Variants in CTTNBP2 observed in about 807,000 individuals in gnomAD.
CTTNBP2 encodes cortactin binding protein 2.
Under a neutral mutation model 156.9 loss-of-function variants are expected in CTTNBP2, and 108 were observed. The observed-to-expected ratio is 0.69, with a 90% CI of 0.59 to 0.81. The LOEUF is 0.81. CTTNBP2 is among the 30% of genes least tolerant of loss of function. The probability of loss-of-function intolerance (pLI) is 0.00; values close to 1 mark genes in which losing one functional copy is unlikely to be tolerated. For synonymous variants in CTTNBP2, 767 were observed against 751.8 expected, an observed-to-expected ratio of 1.02 and a Z score of -0.33; for missense variants, 1,924 against 2,035.4, an observed-to-expected ratio of 0.95 and a Z score of 1.05.
intron 4 of CTTNBP2, among the ~76,000 whole-genome samples, chr7:117,789,742 T>A (rs562741900): frequency 1.4e-5 from 2 of 146,278 alleles, no homozygotes. Flanking sequence ...CTAAGCTCAA[T>A]ACCAAGCTGA....
At chr7:117,813,849 A>G (rs923052325) in intron 2 of CTTNBP2, among the ~76,000 whole-genome samples, 2 of 152,190 alleles carry the variant, frequency 1.3e-5, no homozygotes, top group African/African-American at 4.8e-5. Context: ...TCTTTCTTTA[A>G]TCTCCAAAAA....
chr7:117,819,447 AAT>A (rs1430628020), intron 2 of CTTNBP2, among the ~76,000 whole-genome samples: 1 of 151,692 alleles, frequency 6.6e-6, no homozygotes, highest in African/African-American at 2.4e-5. Flanking sequence ...GTGGAATAGC[AAT>A]ATAAAAGTTA....
At chr7:117,740,435 CAGA>C (rs1288201044) in intron 14 of CTTNBP2, among the ~76,000 whole-genome samples, 1 of 152,130 alleles carries the variant, frequency 6.6e-6, no homozygotes, top group Non-Finnish European at 1.5e-5. Context: ...CAGTGGAAGA[CAGA>C]AGTTCAGCAT....
chr7:117,740,230 ATTC>A (rs1460257403), intron 14 of CTTNBP2, among the ~76,000 whole-genome samples: 1 of 136,354 alleles, frequency 7.3e-6, no homozygotes, highest in Non-Finnish European at 1.6e-5. Context: ...TTTGTTCTCT[ATTC>A]TTTTCTTCAT....
chr7:117,806,789 C>T lies in CTTNBP2; in HGVS notation c.414+3976G>A, dbSNP rs187153677. On this transcript the variant is annotated intron_variant, in intron 3 of 22. Transcript: ENST00000160373. Reference sequence around the variant, plus strand: ...TTTTTTTTATTTTGAGACAGAGTCTCGCTCTGTTGCCCAGGCTGGAGTGCA... The same window carrying T: ...TTTTTTTTATTTTGAGACAGAGTCTTGCTCTGTTGCCCAGGCTGGAGTGCA... Among the ~76,000 whole-genome samples the T allele has an allele frequency of 9.9e-3, 1,442 of 145,022 alleles. 18 individuals are homozygous for T. The highest frequency in any genetic ancestry group is 0.02 in the Admixed American group (292 of 14,346).
intron 3 of CTTNBP2, among the ~76,000 whole-genome samples, chr7:117,800,512 T>C (rs1414842641): frequency 6.6e-6 from 1 of 152,162 alleles, no homozygotes; most frequent in Non-Finnish European, 1.5e-5. Flanking sequence ...TGTAAACTTT[T>C]CCTTAAGAAT....
intron 21 of CTTNBP2, 146 bp from the exon 22 acceptor site, chr7:117,718,265 G>A (rs868777114): frequency 6.6e-6 from 3 of 455,374 alleles, no homozygotes; most frequent in Non-Finnish European, 1.2e-5. Context: ...TCACATGAAA[G>A]AAAGACTTCA....
At chr7:117,854,641 G>A (rs1803143188) in intron 2 of CTTNBP2, among the ~76,000 whole-genome samples, 1 of 152,142 alleles carries the variant, frequency 6.6e-6, no homozygotes, top group Non-Finnish European at 1.5e-5. Context: ...GGGCCCTGAA[G>A]TTGTTAAAAT....
Position 117,735,316 on chromosome 7 carries a change from G to A in CTTNBP2, c.3641C>T (p.Ala1214Val), listed in dbSNP as rs1795627736. ...TTCAGTGCTGCGATTTTCAAGAGGTGCCAAAAAGTCCCTCAATAACTCCGA... is the reference window on the plus strand; with the variant it reads ...TTCAGTGCTGCGATTTTCAAGAGGTACCAAAAAGTCCCTCAATAACTCCGA... ...SLSELLRDFL[A>V]PLENRSTESP... The change falls in exon 15 of 23, where the codon GCA becomes GTA. Residue 1214 changes from alanine (A) to valine (V), a missense_variant. By Grantham distance (64) the Ala-to-Val change is moderately conservative. Coordinates refer to ENST00000160373, the MANE Select transcript of CTTNBP2 (RefSeq NM_033427.3). 1 of 1,613,978 alleles carries A rather than the reference G, an allele frequency of 6.2e-7. No individual in the cohort carries two copies. Among genetic ancestry groups the A allele is most frequent in the Non-Finnish European group, 8.5e-7 (1 of 1,179,954 alleles).
intron 17 of CTTNBP2, among the ~76,000 whole-genome samples, chr7:117,727,822 C>T (rs1687113516): frequency 6.6e-6 from 1 of 152,176 alleles, no homozygotes; most frequent in Non-Finnish European, 1.5e-5. Flanking sequence ...GTACCTCACT[C>T]AGGAGACTCT....
chr7:117,778,308 G>A (rs1052941999), intron 7 of CTTNBP2, among the ~76,000 whole-genome samples: 1 of 152,186 alleles, frequency 6.6e-6, no homozygotes, highest in Non-Finnish European at 1.5e-5. Flanking sequence ...AATAATTTCA[G>A]TGAAGGTTTA....
intron 3 of CTTNBP2, among the ~76,000 whole-genome samples, chr7:117,798,003 A>G (rs904928364): frequency 6.6e-6 from 1 of 152,170 alleles, no homozygotes; most frequent in African/African-American, 2.4e-5. Flanking sequence ...TAGGCACATC[A>G]TAGTAAAACT....
In CTTNBP2 at chr7:117,791,957, T is replaced by C. The variant is rs1352992757; in HGVS notation, c.1239A>G (p.Pro413=). The change falls in exon 4 of 23, where the codon CCA becomes CCG. Residue 413 remains proline, a synonymous_variant. Transcript: ENST00000160373. ...SNAAPPTAQT[P]GIAPQNSQAP... ...CTTGCGAGTTCTGAGGAGCTATGCC[T>C]GGTGTTTGAGCGGTGGGAGGGGCAG... 5 of 1,614,072 alleles carry C rather than the reference T, an allele frequency of 3.1e-6. No homozygotes were observed. The highest frequency in any genetic ancestry group is 1.3e-5 in the African/African-American group (1 of 75,020).
intron 17 of CTTNBP2, among the ~76,000 whole-genome samples, chr7:117,727,218 G>T (rs967014070): frequency 6.6e-6 from 1 of 152,072 alleles, no homozygotes; most frequent in Non-Finnish European, 1.5e-5. Context: ...TAGAGACAGG[G>T]TCTTGCTCTA....
At chr7:117,854,052 C>T (rs1803099439) in intron 2 of CTTNBP2, among the ~76,000 whole-genome samples, 1 of 152,150 alleles carries the variant, frequency 6.6e-6, no homozygotes, top group Non-Finnish European at 1.5e-5. Context: ...AAATACAATG[C>T]TACTTAAAAA....
intron 12 of CTTNBP2, among the ~76,000 whole-genome samples, chr7:117,752,818 T>C (rs555431861): frequency 1.3e-5 from 2 of 152,352 alleles, no homozygotes; most frequent in East Asian, 1.9e-4. Context: ...TTTGAGTCTT[T>C]GTTTATTTAC....
At chr7:117,873,288 G>A (rs1177989156) in intron 1 of CTTNBP2, 47 bp downstream of exon 1, 11 of 1,310,656 alleles carry the variant, frequency 8.4e-6, no homozygotes, top group Non-Finnish European at 8.7e-6. Flanking sequence ...CGCCGCCCCC[G>A]GCCCGCGTCT....
chr7:117,808,090 T>G (rs541353870), intron 3 of CTTNBP2, among the ~76,000 whole-genome samples: 2 of 152,186 alleles, frequency 1.3e-5, no homozygotes, highest in Non-Finnish European at 2.9e-5. Flanking sequence ...AAAAGAATTG[T>G]TCCCCCTCTG....
chr7:117,753,905 G>A (rs548711816), intron 12 of CTTNBP2, among the ~76,000 whole-genome samples: 3 of 152,232 alleles, frequency 2.0e-5, no homozygotes, highest in East Asian at 1.9e-4. Context: ...ACCCCAGAAC[G>A]TAAAATAAAA....
Sources: gnomAD v4.1 joint callset for allele counts (sites outside exome capture counted in the v4.1 genomes callset) on GRCh38, gnomAD v4.1.1 for gene constraint, MANE v1.5 for transcripts, NCBI Gene and HGNC (gene_info 2026-07-23, HGNC 2026-07-21) for gene names.